The following FAM227B variants were observed in gnomAD, a reference collection of about 807,000 sequenced individuals.
The protein encoded by FAM227B is family with sequence similarity 227 member B.
In FAM227B, 88 loss-of-function variants were observed where a neutral mutation model predicts 73.8. The ratio of observed to expected loss-of-function variants is 1.19; its 90% confidence interval spans 1.00 to 1.42. The LOEUF (loss-of-function observed/expected upper bound fraction) is 1.42, where lower values mean the gene tolerates loss of function less well. Among genes scored for constraint, FAM227B ranks in the 40% most tolerant of loss-of-function variants. FAM227B has a pLI of 0.00. For synonymous variants in FAM227B, 210 were observed against 190.5 expected (o/e 1.10, Z -0.84); for missense variants, 632 against 590.9 (o/e 1.07, Z -0.72).
At chr15:49,452,055 T>G in intron 11 of FAM227B, among the ~76,000 whole-genome samples, 1 of 152,118 alleles carries the variant, frequency 6.6e-6, no homozygotes. Flanking sequence ...AGATTTTTTT[T>G]TTTTGAGATA....
At chr15:49,570,043 G>A (rs1644566830) in intron 8 of FAM227B, among the ~76,000 whole-genome samples, 1 of 151,926 alleles carries the variant, frequency 6.6e-6, no homozygotes, top group Admixed American at 6.6e-5. Context: ...TGATTTCCAT[G>A]ATGGACACTT....
At chr15:49,596,684 T>C (rs756467184) in intron 3 of FAM227B, among the ~76,000 whole-genome samples, 8 of 152,002 alleles carry the variant, frequency 5.3e-5, no homozygotes, top group Non-Finnish European at 7.4e-5. Context: ...AATGGCAGAA[T>C]GGATAAGAAT....
intron 9 of FAM227B, among the ~76,000 whole-genome samples, chr15:49,550,001 G>A (rs1222240296): frequency 1.7e-5 from 2 of 115,490 alleles, no homozygotes; most frequent in South Asian, 2.7e-4. Context: ...GCGGCTGGCC[G>A]GGCAGGGGGC....
chr15:49,447,771 A>C (rs1055855011), intron 11 of FAM227B, among the ~76,000 whole-genome samples: 5 of 151,730 alleles, frequency 3.3e-5, no homozygotes, highest in African/African-American at 1.2e-4. Context: ...TGCTTGCTCC[A>C]AACTAATTCA....
At chr15:49,351,628 A>G (rs943305862) in intron 13 of FAM227B, among the ~76,000 whole-genome samples, 1 of 152,238 alleles carries the variant, frequency 6.6e-6, no homozygotes, top group Non-Finnish European at 1.5e-5. Flanking sequence ...AAAGACAAAG[A>G]TCAGCGTGTA....
chr15:49,592,915 C>T (rs2076667586), intron 3 of FAM227B, among the ~76,000 whole-genome samples: 1 of 152,212 alleles, frequency 6.6e-6, no homozygotes, highest in African/African-American at 2.4e-5. Context: ...CCTCCCCCGA[C>T]CAGGCTTCAG....
intron 13 of FAM227B, among the ~76,000 whole-genome samples, chr15:49,354,886 G>A (rs917626204): frequency 6.6e-6 from 1 of 152,038 alleles, no homozygotes; most frequent in Non-Finnish European, 1.5e-5. Flanking sequence ...CATGCAGCTG[G>A]AGATCTGAGA....
At chr15:49,589,058 A>G (rs1307477429) in intron 4 of FAM227B, among the ~76,000 whole-genome samples, 1 of 152,164 alleles carries the variant, frequency 6.6e-6, no homozygotes, top group Non-Finnish European at 1.5e-5. Flanking sequence ...ATAAGTATTT[A>G]AAACTATTCT....
chr15:49,342,774 T>C (rs2040932514), intron 13 of FAM227B, among the ~76,000 whole-genome samples: 1 of 152,180 alleles, frequency 6.6e-6, no homozygotes, highest in African/African-American at 2.4e-5. Context: ...TTATTTCTCC[T>C]TGCTTATGAA....
At chr15:49,361,523 T>G (rs910823759) in intron 13 of FAM227B, among the ~76,000 whole-genome samples, 2 of 152,170 alleles carry the variant, frequency 1.3e-5, no homozygotes, top group Non-Finnish European at 2.9e-5. Context: ...CTGCATTAGT[T>G]CACTTAGGTT....
chr15:49,515,753 T>C (rs755107872), intron 10 of FAM227B, among the ~76,000 whole-genome samples: 1 of 152,190 alleles, frequency 6.6e-6, no homozygotes, highest in Non-Finnish European at 1.5e-5. Flanking sequence ...AGTGTTTTGT[T>C]GTGTTTGTCT....
At chr15:49,356,359 C>T (rs1204534923) in intron 13 of FAM227B, among the ~76,000 whole-genome samples, 2 of 150,044 alleles carry the variant, frequency 1.3e-5, no homozygotes, top group Non-Finnish European at 3.0e-5. Flanking sequence ...CAGAGACACA[C>T]ATAGGCTCAA....
intron 13 of FAM227B, among the ~76,000 whole-genome samples, chr15:49,354,346 C>G (rs1191321646): frequency 6.6e-6 from 1 of 152,212 alleles, no homozygotes; most frequent in African/African-American, 2.4e-5. Context: ...GGGTTCATCT[C>G]ACTAGGGAGT....
chr15:49,413,196 C>A (rs1343496349), intron 11 of FAM227B, among the ~76,000 whole-genome samples: 1 of 152,046 alleles, frequency 6.6e-6, no homozygotes, highest in Non-Finnish European at 1.5e-5. Context: ...TGGGAGGGAC[C>A]TGGTGGGAGA....
chr15:49,328,489 T>TTAAA lies in FAM227B; in HGVS notation c.*75_*78dup. 1 of 1,567,282 alleles carries TTAAA rather than the reference T, an allele frequency of 6.4e-7. No homozygotes were observed. The highest frequency in any genetic ancestry group is 8.7e-7 in the Non-Finnish European group (1 of 1,154,770). On this transcript the variant is annotated 3_prime_UTR_variant, in exon 16 of 16. Coordinates refer to ENST00000299338, the MANE Select transcript of FAM227B (RefSeq NM_152647.3). ...ACTGATTACATGGATTGGACTTGAA[T>TTAAA]TAAATATATTGTTACAATTAAACTG...
At chr15:49,590,562 CAAATT>C (rs2076462911) in intron 3 of FAM227B, among the ~76,000 whole-genome samples, 1 of 151,912 alleles carries the variant, frequency 6.6e-6, no homozygotes, top group Non-Finnish European at 1.5e-5. Context: ...GTATAATTGA[CAAATT>C]AAAATTGTAA....
At chr15:49,360,598 A>T (rs1429196438) in intron 13 of FAM227B, among the ~76,000 whole-genome samples, 1 of 152,184 alleles carries the variant, frequency 6.6e-6, no homozygotes, top group Non-Finnish European at 1.5e-5. Context: ...GAGAATTAGC[A>T]GCTCTAAATA....
At chr15:49,395,115 T>TA (rs2047484102) in intron 11 of FAM227B, among the ~76,000 whole-genome samples, 1 of 152,200 alleles carries the variant, frequency 6.6e-6, no homozygotes, top group South Asian at 2.1e-4. Flanking sequence ...ACACACATAT[T>TA]AATACTTACC....
intron 10 of FAM227B, among the ~76,000 whole-genome samples, chr15:49,521,420 G>A (rs2059777678): frequency 6.6e-6 from 1 of 152,336 alleles, no homozygotes; most frequent in East Asian, 1.9e-4. Flanking sequence ...GCAGCAACTA[G>A]TGGCTGACAA....
Sources: allele counts gnomAD v4.1 joint callset (sites outside exome capture counted in the v4.1 genomes callset), GRCh38; gene constraint gnomAD v4.1.1; transcripts MANE v1.5; gene names NCBI Gene and HGNC (gene_info 2026-07-23, HGNC 2026-07-21).